Variants in SPTLC3 observed in about 807,000 individuals in gnomAD.
The protein encoded by SPTLC3 is serine palmitoyltransferase long chain base subunit 3.
SPTLC3 carries 36 observed loss-of-function variants against 59.3 expected under a neutral mutation model. That is an observed-to-expected ratio of 0.61 (90% CI 0.47 to 0.80). The LOEUF (loss-of-function observed/expected upper bound fraction) is 0.80. SPTLC3 is among the 30% of genes least tolerant of loss of function. The pLI is 0.00. For synonymous variants in SPTLC3, 257 were observed against 240.8 expected, an observed-to-expected ratio of 1.07 and a Z score of -0.62; for missense variants, 625 against 685.1, an observed-to-expected ratio of 0.91 and a Z score of 0.98.
chr20:13,108,525 G>A (rs1250774417), intron 6 of SPTLC3, among the ~76,000 whole-genome samples: 1 of 152,176 alleles, frequency 6.6e-6, no homozygotes, highest in African/African-American at 2.4e-5. Flanking sequence ...CTTCTTGAGA[G>A]CTTTGTCTGT....
intron 1 of SPTLC3, among the ~76,000 whole-genome samples, chr20:13,013,901 G>A (rs1985386387): frequency 6.6e-6 from 1 of 152,162 alleles, no homozygotes; most frequent in Non-Finnish European, 1.5e-5. Context: ...GTTTGCTGCA[G>A]ATCAACTTGC....
chr20:13,105,902 TCCAAG>T (rs1989865318), intron 6 of SPTLC3, among the ~76,000 whole-genome samples: 1 of 152,214 alleles, frequency 6.6e-6, no homozygotes, highest in Admixed American at 6.5e-5. Context: ...AGACTGGTTC[TCCAAG>T]TCGCAAGGTT....
intron 5 of SPTLC3, 28 bp downstream of exon 5, chr20:13,091,235 T>C (rs1476265247): frequency 7.5e-6 from 12 of 1,609,094 alleles, no homozygotes; most frequent in Non-Finnish European, 9.3e-6. Flanking sequence ...AATTGTCTTC[T>C]ACTGTATTAC....
chr20:13,148,657 A>G (rs1040255639), intron 9 of SPTLC3, among the ~76,000 whole-genome samples: 56 of 152,236 alleles, frequency 3.7e-4, no homozygotes, highest in African/African-American at 1.3e-3. Flanking sequence ...AAGGCCATGC[A>G]TGGCCCTAGG....
intron 2 of SPTLC3, 115 bp from the exon 3 acceptor site, chr20:13,072,141 A>C: frequency 8.5e-7 from 1 of 1,176,278 alleles, no homozygotes; most frequent in African/African-American, 1.6e-5. Context: ...TGCTCAAAAT[A>C]TATCTGTAGA....
chr20:13,140,489 C>A (rs371595407), intron 9 of SPTLC3, among the ~76,000 whole-genome samples: 16 of 152,290 alleles, frequency 1.1e-4, no homozygotes, highest in African/African-American at 3.4e-4. Flanking sequence ...AAACTAGAGA[C>A]TTCCTATCAG....
chr20:13,027,863 T>C (rs536538497), intron 1 of SPTLC3, among the ~76,000 whole-genome samples: 11 of 152,342 alleles, frequency 7.2e-5, no homozygotes, highest in African/African-American at 2.6e-4. Flanking sequence ...CAAAATTTTC[T>C]ACAAATCTCT....
At chr20:13,053,668 G>C (rs1237816141) in intron 2 of SPTLC3, among the ~76,000 whole-genome samples, 1 of 152,024 alleles carries the variant, frequency 6.6e-6, no homozygotes, top group Non-Finnish European at 1.5e-5. Context: ...TTGCTAACTA[G>C]AATAACCAGT....
chr20:13,048,832 C>A, intron 1 of SPTLC3, 113 bp from the exon 2 acceptor site: 1 of 952,582 alleles, frequency 1.0e-6, no homozygotes, highest in Non-Finnish European at 1.5e-6. Context: ...AATTTATTTA[C>A]AATCTTAAAT....
intron 6 of SPTLC3, among the ~76,000 whole-genome samples, chr20:13,108,442 G>C (rs1172436927): frequency 2.6e-5 from 4 of 152,156 alleles, no homozygotes; most frequent in African/African-American, 9.7e-5. Context: ...AAAGTTGAAG[G>C]GCTCTCCATT....
intron 2 of SPTLC3, among the ~76,000 whole-genome samples, chr20:13,065,803 A>T (rs6041832): frequency 0.41 from 61,840 of 151,420 alleles, 12,690 homozygotes; most frequent in Middle Eastern, 0.56. Context: ...AAAATTCTAA[A>T]TATTTATAGT....
chr20:13,105,574 G>T (rs1222815662), intron 6 of SPTLC3, among the ~76,000 whole-genome samples: 1 of 152,178 alleles, frequency 6.6e-6, no homozygotes, highest in Admixed American at 6.5e-5. Context: ...TCGTGTTTAT[G>T]TGACCTTTTT....
intron 9 of SPTLC3, among the ~76,000 whole-genome samples, chr20:13,130,926 T>C (rs1296335686): frequency 6.6e-6 from 1 of 152,226 alleles, no homozygotes; most frequent in Non-Finnish European, 1.5e-5. Context: ...CCAATGTTTA[T>C]GCTAAATAAG....
intron 4 of SPTLC3, among the ~76,000 whole-genome samples, chr20:13,082,454 A>C (rs562235330): frequency 1.2e-4 from 17 of 145,098 alleles, no homozygotes; most frequent in African/African-American, 4.2e-4. Context: ...AATAATTGGA[A>C]TAATAAAAAT....
intron 7 of SPTLC3, among the ~76,000 whole-genome samples, chr20:13,112,989 C>G (rs961461327): frequency 6.6e-6 from 1 of 152,134 alleles, no homozygotes; most frequent in African/African-American, 2.4e-5. Context: ...TCGAGACCAG[C>G]CTAGCCAACA....
chr20:13,148,155 A>G (rs553110149), intron 9 of SPTLC3, among the ~76,000 whole-genome samples: 1 of 152,178 alleles, frequency 6.6e-6, no homozygotes, highest in East Asian at 1.9e-4. Flanking sequence ...TGTCCTAAAC[A>G]TATTTTTGGA....
intron 2 of SPTLC3, among the ~76,000 whole-genome samples, chr20:13,070,382 C>G (rs543283344): frequency 6.6e-6 from 1 of 152,294 alleles, no homozygotes; most frequent in East Asian, 1.9e-4. Context: ...ACAGAACGAT[C>G]TGTGGCTTGG....
intron 8 of SPTLC3, among the ~76,000 whole-genome samples, chr20:13,123,579 A>G (rs139550123): frequency 2.6e-5 from 4 of 152,310 alleles, no homozygotes; most frequent in Admixed American, 6.5e-5. Context: ...CAGAGGCTGC[A>G]CTGTAACTCC....
intron 2 of SPTLC3, chr20:13,050,064 C>G (rs1367352663): frequency 1.3e-5 from 2 of 152,064 alleles, no homozygotes; most frequent in Non-Finnish European, 2.9e-5. Context: ...AGTTCACCAG[C>G]AATGGATCCA....
Sources: gnomAD v4.1 joint callset for allele counts (sites outside exome capture counted in the v4.1 genomes callset) on GRCh38, gnomAD v4.1.1 for gene constraint, MANE v1.5 for transcripts, NCBI Gene and HGNC (gene_info 2026-07-23, HGNC 2026-07-21) for gene names.